The following VPS53 variants were observed in gnomAD, a reference collection of about 807,000 sequenced individuals.
VPS53 encodes VPS53 subunit of GARP complex, also known as vacuolar protein sorting-associated protein 53 homolog.
A neutral mutation model predicts 107.0 loss-of-function variants in VPS53; 70 were observed. The ratio of observed to expected loss-of-function variants is 0.65; its 90% confidence interval spans 0.54 to 0.80. The LOEUF (loss-of-function observed/expected upper bound fraction) is 0.80, where lower values mean the gene tolerates loss of function less well. Ranked by LOEUF, VPS53 falls within the 30% of genes least tolerant of loss-of-function variation. The pLI, the probability that VPS53 is intolerant of heterozygous loss-of-function variation, is 0.00. For synonymous variants in VPS53, 409 were observed against 393.3 expected, an observed-to-expected ratio of 1.04 and a Z score of -0.47; for missense variants, 917 against 1,049.4, an observed-to-expected ratio of 0.87 and a Z score of 1.74.
rs370664941 is a variant in VPS53, at chr17:562,607, T to C, written c.1452A>G (p.Gln484=). 242 of 1,613,926 alleles carry C rather than the reference T, an allele frequency of 1.5e-4. No homozygotes were observed. Among genetic ancestry groups the C allele is most frequent in the Non-Finnish European group, 1.9e-4 (225 of 1,180,012 alleles). The part of the protein sequence containing the change: ...LFVYYKKCMV[Q]CSQLSTGEPM... ...GCTCCCCAGTACTGAGCTGAGAGCA[T>C]TGCACCATGCACTTCTTGTAGTAGA... Residue 484 remains glutamine (Q), a synonymous_variant, in exon 14 of 22, where the codon CAA becomes CAG. Coordinates refer to ENST00000437048, the MANE Select transcript of VPS53 (RefSeq NM_001128159.3).
chr17:700,137 G>C (rs1399664754), intron 2 of VPS53, among the ~76,000 whole-genome samples: 2 of 152,062 alleles, frequency 1.3e-5, no homozygotes, highest in African/African-American at 2.4e-5. Context: ...AGATCCACTA[G>C]AAAAAAGTCT....
rs146997968 is a variant in VPS53 at position 519,032 on chromosome 17, G to A, written c.*96C>T. On this transcript the variant is annotated 3_prime_UTR_variant, in exon 22 of 22. Transcript: ENST00000437048. The surrounding 1 kb of genome is among the most constrained non-coding windows in gnomAD (Gnocchi z 5.0). ...TGTCCCAGGAAGTTTGAAGACCGAC[G>A]ATGTGAGAGTGCCGGGGAGCACAGG... 31 of 1,325,286 alleles carry A rather than the reference G, an allele frequency of 2.3e-5. No individual in the cohort carries two copies. The highest frequency in any genetic ancestry group is 9.5e-5 in the Admixed American group (3 of 31,678). The allele number at this position is 1,325,286 out of a possible 1,614,324, so 82.1% of individuals were successfully genotyped here. A position where few individuals can be genotyped will look rare whatever the true frequency, so the allele number is the denominator to read the frequency against.
chr17:613,993 C>T (rs2085674625), intron 11 of VPS53, among the ~76,000 whole-genome samples: 1 of 152,236 alleles, frequency 6.6e-6, no homozygotes, highest in Admixed American at 6.5e-5. Context: ...CTCGCAGACA[C>T]TGTCCAGAGG....
At chr17:545,506 T>A (rs1326241529) in intron 17 of VPS53, among the ~76,000 whole-genome samples, 1 of 152,170 alleles carries the variant, frequency 6.6e-6, no homozygotes, top group Non-Finnish European at 1.5e-5. Flanking sequence ...TCTCACAAAG[T>A]TGTCCAAGTT....
intron 12 of VPS53, among the ~76,000 whole-genome samples, chr17:601,310 C>T (rs1047697286): frequency 6.6e-6 from 1 of 152,204 alleles, no homozygotes; most frequent in Admixed American, 6.5e-5. Flanking sequence ...AAAAGTAACT[C>T]TTCAAATATG....
rs201118577 is a variant in VPS53, at chr17:662,869, G to C, written c.286-974C>G. On this transcript the variant is annotated intron_variant, in intron 4 of 21. Coordinates refer to ENST00000437048, the MANE Select transcript of VPS53 (RefSeq NM_001128159.3). The stretch of plus-strand genomic sequence containing the variant: ...AGGAAGGAAGGAAGGAAGGAAGGAA[G>C]GAACGAAGGAAGGAAGGAAGGAAGG... 1.3e-3 allele frequency among the ~76,000 whole-genome samples: 134 copies of C among 102,892 alleles called. No homozygotes were observed. The Middle Eastern group carries it at 0.015, about 11-fold the overall frequency. 67.5% of individuals were successfully genotyped at this position (102,892 alleles called of 152,430 possible). A position where few individuals can be genotyped will look rare whatever the true frequency, so the allele number is the denominator to read the frequency against.
intron 11 of VPS53, among the ~76,000 whole-genome samples, chr17:608,031 A>G (rs1411438603): frequency 6.6e-6 from 1 of 152,164 alleles, no homozygotes; most frequent in African/African-American, 2.4e-5. Flanking sequence ...TTCGCTTGTG[A>G]GATGAAAGTT....
chr17:688,361 C>T (rs1410992329), intron 4 of VPS53, among the ~76,000 whole-genome samples: 1 of 152,170 alleles, frequency 6.6e-6, no homozygotes, highest in Non-Finnish European at 1.5e-5. Context: ...CTTCCCTTTC[C>T]ACCATGATTG....
Position 519,680 on chromosome 17 carries a change from A to C in VPS53, c.2328+146T>G, listed in dbSNP as rs1908572814. 1.5e-6 allele frequency: 1 copy of C among 685,648 alleles called. No individual in the cohort carries two copies. Among genetic ancestry groups the C allele is most frequent in the South Asian group, 1.9e-5 (1 of 53,856 alleles). The allele number at this position is 685,648 out of a possible 1,614,324, so 42.5% of individuals were successfully genotyped here. A position where few individuals can be genotyped will look rare whatever the true frequency, so the allele number is the denominator to read the frequency against. Reference sequence around the variant, plus strand: ...CGTGCCCGGGGCCATCCTCCTCCAGAGGCTTCTCTGAATCCGGTTTGCTCT... The same window carrying C: ...CGTGCCCGGGGCCATCCTCCTCCAGCGGCTTCTCTGAATCCGGTTTGCTCT... On this transcript the variant is annotated intron_variant, in intron 21 of 21. Transcript: ENST00000437048. The surrounding 1 kb of genome is among the most constrained non-coding windows in gnomAD (Gnocchi z 5.0).
At chr17:660,064 T>A (rs1020950848) in intron 5 of VPS53, among the ~76,000 whole-genome samples, 3 of 152,170 alleles carry the variant, frequency 2.0e-5, no homozygotes, top group East Asian at 1.9e-4. Context: ...TGAGACAGAA[T>A]GCCCATAGTT....
Position 588,804 on chromosome 17 carries a change from T to C in VPS53, c.1219-2440A>G, listed in dbSNP as rs527633535. ...AGAATTCCACTTGAGTGCACAGATG[T>C]CCTGGGAGTTTTTCTGCATTTCCAT... On this transcript the variant is annotated intron_variant, in intron 12 of 21. Transcript: ENST00000437048. 3.3e-5 allele frequency among the ~76,000 whole-genome samples: 5 copies of C among 152,342 alleles called. No homozygotes were observed. The South Asian group carries it at 1.0e-3, about 32-fold the overall frequency.
intron 2 of VPS53, among the ~76,000 whole-genome samples, chr17:706,907 C>T (rs1973428232): frequency 6.6e-6 from 1 of 152,180 alleles, no homozygotes; most frequent in South Asian, 2.1e-4. Flanking sequence ...CCTGTAGTCT[C>T]TCCCCACCTC....
intron 6 of VPS53, among the ~76,000 whole-genome samples, chr17:653,871 G>A (rs1307400668): frequency 1.3e-5 from 2 of 152,180 alleles, no homozygotes; most frequent in African/African-American, 4.8e-5. Context: ...AACACAAAGG[G>A]TGCGGCCAGG....
In VPS53 at chr17:699,219, T is replaced by C. The variant is rs1029303799; in HGVS notation, c.218+112A>G. The C allele has an allele frequency of 3.8e-5, 28 of 744,410 alleles. No individual in the cohort carries two copies. The African/African-American group carries it at 4.4e-4, about 12-fold the overall frequency. The allele number at this position is 744,410 out of a possible 1,614,324, so 46.1% of individuals were successfully genotyped here. Reference sequence around the variant, plus strand: ...TTAAAAGGAATTATATTACCATCTATGGCAAACTTGAGATTTCAGTGCTCT... The same window carrying C: ...TTAAAAGGAATTATATTACCATCTACGGCAAACTTGAGATTTCAGTGCTCT... On this transcript the variant is annotated intron_variant, in intron 3 of 21. Transcript: ENST00000437048.
chr17:709,242 C>T (rs910558866), intron 2 of VPS53, among the ~76,000 whole-genome samples: 2 of 140,938 alleles, frequency 1.4e-5, no homozygotes, highest in African/African-American at 4.9e-5. Flanking sequence ...GTCACGGAAC[C>T]TGCCTGGTAT....
chr17:671,745 G>A lies in VPS53; in HGVS notation c.286-9850C>T, dbSNP rs532800023. 3.4e-4 allele frequency among the ~76,000 whole-genome samples: 50 copies of A among 146,604 alleles called. 2 individuals are homozygous for A. In the South Asian group the frequency reaches 8.1e-3, roughly 24 times the overall value. ...TTTTGAGACAGAGTCACGCTTCGTCGTGGCATGATCTCAGCTCACTGCAAC... is the reference window on the plus strand; with the variant it reads ...TTTTGAGACAGAGTCACGCTTCGTCATGGCATGATCTCAGCTCACTGCAAC... On this transcript the variant is annotated intron_variant, in intron 4 of 21. Coordinates refer to ENST00000437048, the MANE Select transcript of VPS53 (RefSeq NM_001128159.3).
chr17:622,205 T>G (rs112260312), intron 11 of VPS53, among the ~76,000 whole-genome samples: 15,053 of 151,962 alleles, frequency 0.099, 833 homozygotes, highest in East Asian at 0.21. Context: ...AGCAAGACTC[T>G]GTCTAAAAAA....
intron 13 of VPS53, among the ~76,000 whole-genome samples, chr17:578,155 T>A (rs999439776): frequency 6.6e-6 from 1 of 150,920 alleles, no homozygotes; most frequent in African/African-American, 2.5e-5. Context: ...CCAGAGAAAT[T>A]CCCTCAGAAC....
chr17:615,425 A>G (rs1265761472), intron 11 of VPS53, among the ~76,000 whole-genome samples: 1 of 152,062 alleles, frequency 6.6e-6, no homozygotes, highest in African/African-American at 2.4e-5. Context: ...AGCTGGCCAC[A>G]CTCTCAAGCT....
Sources: allele counts gnomAD v4.1 joint callset (sites outside exome capture counted in the v4.1 genomes callset), GRCh38; gene constraint gnomAD v4.1.1; non-coding constraint Gnocchi (gnomAD v3.1); transcripts MANE v1.5; gene names NCBI Gene and HGNC (gene_info 2026-07-23, HGNC 2026-07-21).